Variants in NUP153 observed in about 807,000 individuals in gnomAD.
NUP153 encodes the protein nucleoporin 153.
NUP153 carries 27 observed loss-of-function variants against 134.6 expected under a neutral mutation model. The observed-to-expected ratio is 0.20, with a 90% CI of 0.15 to 0.28. The LOEUF is 0.28. NUP153 is among the 10% of genes least tolerant of loss of function. The pLI is 1.00. For missense variants in NUP153, 1,821 were observed against 1,731.3 expected, an observed-to-expected ratio of 1.05 and a Z score of -0.92; for synonymous variants, 640 against 623.5, an observed-to-expected ratio of 1.03 and a Z score of -0.40.
chr6:17,674,786 T>G, intron 5 of NUP153, 119 bp downstream of exon 5: 4 of 909,444 alleles, frequency 4.4e-6, no homozygotes, highest in Non-Finnish European at 6.0e-6. Flanking sequence ...AAAATATAAA[T>G]AAAAGAAAAA....
intron 2 of NUP153, among the ~76,000 whole-genome samples, chr6:17,679,309 T>A (rs1359890448): frequency 5.3e-5 from 8 of 151,934 alleles, no homozygotes; most frequent in Non-Finnish European, 8.8e-5. Flanking sequence ...AATAAAATAT[T>A]TAGGAATGAA....
intron 9 of NUP153, among the ~76,000 whole-genome samples, chr6:17,664,665 A>G (rs1767404815): frequency 6.6e-6 from 1 of 152,206 alleles, no homozygotes; most frequent in Admixed American, 6.5e-5. Context: ...ACACCACCAC[A>G]TGAAAGAAAC....
chr6:17,616,004 T>C lies in NUP153; in HGVS notation c.*93A>G. The C allele has an allele frequency of 1.1e-6, 1 of 901,000 alleles. No individual in the cohort carries two copies. The highest frequency in any genetic ancestry group is 1.8e-6 in the Non-Finnish European group (1 of 567,484). 55.8% of individuals were successfully genotyped at this position (901,000 alleles called of 1,614,324 possible). ...AATTAAAGAAGTCCTTAGGCAGATC[T>C]GACTTCAGATAACCCCAGCACAAAG... On this transcript the variant is annotated 3_prime_UTR_variant, in exon 22 of 22. Coordinates refer to ENST00000262077, the MANE Select transcript of NUP153 (RefSeq NM_005124.4).
intron 18 of NUP153, among the ~76,000 whole-genome samples, chr6:17,627,606 G>C (rs1261073963): frequency 1.3e-5 from 2 of 152,072 alleles, no homozygotes; most frequent in Non-Finnish European, 2.9e-5. Context: ...AGAGATTCTT[G>C]TGCTTCAGCC....
chr6:17,658,632 T>C (rs370325454), intron 11 of NUP153, among the ~76,000 whole-genome samples: 1 of 152,184 alleles, frequency 6.6e-6, no homozygotes, highest in African/African-American at 2.4e-5. Flanking sequence ...AGCCATTCTA[T>C]GGTCATTCAC....
At position 17,632,685 on chromosome 6, in the gene NUP153, T is replaced by G. The variant is rs1212632594; in HGVS notation, c.2624A>C (p.Glu875Ala). 2 of 1,612,532 alleles carry G rather than the reference T, an allele frequency of 1.2e-6. No individual in the cohort carries two copies. Among genetic ancestry groups the G allele is most frequent in the Non-Finnish European group, 1.7e-6 (2 of 1,179,558 alleles). Residue 875 changes from glutamate to alanine, a missense_variant, in exon 17 of 22, where the codon GAA becomes GCA. Transcript: ENST00000262077. ...AGATTTTGTGCCTGGCTTTGCACTT[T>G]CACATGCCAAACATTTGGTAGAGTC... is the stretch of plus-strand genomic sequence containing the variant. The part of the protein sequence containing the change: ...KADSTKCLAC[E>A]SAKPGTKSGF...
chr6:17,663,546 G>A (rs1255377508), intron 9 of NUP153, among the ~76,000 whole-genome samples: 2 of 152,206 alleles, frequency 1.3e-5, no homozygotes, highest in East Asian at 1.9e-4. Flanking sequence ...TTATAGGCAT[G>A]AGCCACCATG....
intron 20 of NUP153, among the ~76,000 whole-genome samples, chr6:17,621,137 G>A (rs1764623066): frequency 6.6e-6 from 1 of 152,052 alleles, no homozygotes; most frequent in African/African-American, 2.4e-5. Flanking sequence ...ACTATCATAA[G>A]GGAAATGCAA....
At chr6:17,667,080 T>C (rs937986433) in intron 8 of NUP153, among the ~76,000 whole-genome samples, 1 of 152,254 alleles carries the variant, frequency 6.6e-6, no homozygotes, top group African/African-American at 2.4e-5. Flanking sequence ...AGTAAAACTG[T>C]TATTGATAAG....
intron 20 of NUP153, among the ~76,000 whole-genome samples, chr6:17,619,123 A>G (rs1412092021): frequency 6.6e-6 from 1 of 152,254 alleles, no homozygotes; most frequent in Non-Finnish European, 1.5e-5. Context: ...AATTCCAGAA[A>G]GAAGAAACAG....
intron 6 of NUP153, 32 bp from the exon 7 acceptor site, chr6:17,669,369 A>T: frequency 6.2e-7 from 1 of 1,600,324 alleles, no homozygotes; most frequent in African/African-American, 1.3e-5. Context: ...CAAAATTAAG[A>T]TTTTTCAATA....
intron 1 of NUP153, among the ~76,000 whole-genome samples, chr6:17,693,273 C>T (rs1289404540): frequency 6.6e-6 from 1 of 151,670 alleles, no homozygotes; most frequent in Non-Finnish European, 1.5e-5. Flanking sequence ...TTTCTCAGCC[C>T]ATTTTTGATA....
At chr6:17,688,643 G>T in intron 1 of NUP153, 25 bp from the exon 2 acceptor site, 1 of 1,544,512 alleles carries the variant, frequency 6.5e-7, no homozygotes, top group Non-Finnish European at 8.9e-7. Flanking sequence ...AACATATTAT[G>T]ACAGTTTTAG....
chr6:17,640,162 T>C (rs144924021), intron 14 of NUP153, 98 bp from the exon 15 acceptor site: 2 of 928,292 alleles, frequency 2.2e-6, no homozygotes, highest in Non-Finnish European at 3.0e-6. Context: ...TTGGATTAAT[T>C]TCTAAAAGTT....
chr6:17,690,221 G>A lies in NUP153; in HGVS notation c.112-1603C>T, dbSNP rs190103287. On this transcript the variant is annotated intron_variant, in intron 1 of 21. Transcript: ENST00000262077. The stretch of plus-strand genomic sequence containing the variant: ...CAAAAAATTAGCCAGGCGTGGTGGC[G>A]GGCGCATGTAGTCCCAGCTACTCGG... Among the ~76,000 whole-genome samples the A allele has an allele frequency of 1.5e-3, 210 of 142,194 alleles. 3 individuals carry two copies. The highest frequency in any genetic ancestry group is 4.8e-3 in the African/African-American group (194 of 40,806). The allele number at this position is 142,194 out of a possible 152,430, so 93.3% of individuals were successfully genotyped here.
intron 20 of NUP153, among the ~76,000 whole-genome samples, chr6:17,623,681 T>C (rs1764769420): frequency 6.6e-6 from 1 of 152,248 alleles, no homozygotes; most frequent in Non-Finnish European, 1.5e-5. Context: ...AATGATTTAC[T>C]CTATGGCAAT....
Position 17,706,128 on chromosome 6 carries a change from C to CT in NUP153, c.111+148_111+149insA, listed in dbSNP as rs1344531071. 2 of 654,622 alleles carry CT rather than the reference C, an allele frequency of 3.1e-6. No individual in the cohort carries two copies. Among genetic ancestry groups the CT allele is most frequent in the African/African-American group, 1.9e-5 (1 of 53,836 alleles). 40.6% of individuals were successfully genotyped at this position (654,622 alleles called of 1,614,324 possible). A position where few individuals can be genotyped will look rare whatever the true frequency, so the allele number is the denominator to read the frequency against. On this transcript the variant is annotated intron_variant, in intron 1 of 21. Coordinates refer to ENST00000262077, the MANE Select transcript of NUP153 (RefSeq NM_005124.4). This position sits in a 1 kb window ranked among gnomAD's most constrained non-coding sequence, Gnocchi z 5.9. ...TCAGCCCACTTCCCGTCGCCACCCCCAACGGCCTGAGCTCCCCCGGAGCCT... is the reference window on the plus strand; with the variant it reads ...TCAGCCCACTTCCCGTCGCCACCCCCTAACGGCCTGAGCTCCCCCGGAGCCT...
At chr6:17,620,740 G>C (rs140420650) in intron 20 of NUP153, among the ~76,000 whole-genome samples, 2,166 of 152,086 alleles carry the variant, frequency 0.014, 20 homozygotes, top group South Asian at 0.028. Context: ...TCTTGTGTTT[G>C]GCCGAAGACA....
intron 20 of NUP153, among the ~76,000 whole-genome samples, chr6:17,618,645 A>C (rs957908203): frequency 6.6e-6 from 1 of 150,756 alleles, no homozygotes; most frequent in Non-Finnish European, 1.5e-5. Flanking sequence ...AGCTCACTGC[A>C]AGCTCCACCT....
Sources: gnomAD v4.1 joint callset for allele counts (sites outside exome capture counted in the v4.1 genomes callset) on GRCh38, gnomAD v4.1.1 for gene constraint, Gnocchi (gnomAD v3.1) non-coding constraint, MANE v1.5 for transcripts, NCBI Gene and HGNC (gene_info 2026-07-23, HGNC 2026-07-21) for gene names.